MACROD2: variants seen among roughly 807,000 people sequenced by gnomAD.
MACROD2 encodes the protein ADP-ribose glycohydrolase MACROD2.
Under a neutral mutation model 70.4 loss-of-function variants are expected in MACROD2, and 36 were observed. That is an observed-to-expected ratio of 0.51 (90% CI 0.39 to 0.68). The LOEUF is 0.68. MACROD2 is among the 30% of genes least tolerant of loss of function. The pLI is 0.00. For missense variants in MACROD2, 496 were observed against 538.4 expected (o/e 0.92, Z 0.78); for synonymous variants, 172 against 178.8 (o/e 0.96, Z 0.30).
At chr20:15,060,314 G>A (rs556253051) in intron 5 of MACROD2, among the ~76,000 whole-genome samples, 4 of 152,270 alleles carry the variant, frequency 2.6e-5, no homozygotes, top group African/African-American at 9.6e-5. Context: ...AGTTCAATGT[G>A]GTGACAGTCG....
At chr20:14,570,173 A>C (rs1956077853) in intron 4 of MACROD2, among the ~76,000 whole-genome samples, 1 of 152,090 alleles carries the variant, frequency 6.6e-6, no homozygotes, top group South Asian at 2.1e-4. Flanking sequence ...AAAAAGGATG[A>C]GACAACTGTA....
intron 5 of MACROD2, among the ~76,000 whole-genome samples, chr20:15,006,139 ATATGTG>A (rs1460426746): frequency 1.1e-3 from 102 of 95,102 alleles, no homozygotes; most frequent in African/African-American, 2.5e-3. Context: ...TTATATATAT[ATATGTG>A]TGTGTGTGTG....
At chr20:14,987,406 A>G (rs2074859155) in intron 5 of MACROD2, among the ~76,000 whole-genome samples, 1 of 152,202 alleles carries the variant, frequency 6.6e-6, no homozygotes, top group Admixed American at 6.5e-5. Context: ...CGCCGTTGTT[A>G]TTAAACAACT....
At chr20:14,321,345 A>G (rs1256735307) in intron 3 of MACROD2, among the ~76,000 whole-genome samples, 1 of 134,664 alleles carries the variant, frequency 7.4e-6, no homozygotes. Flanking sequence ...AGCCTGGATA[A>G]CAGAGTGATA....
At chr20:15,033,511 T>A (rs2075290872) in intron 5 of MACROD2, among the ~76,000 whole-genome samples, 1 of 152,232 alleles carries the variant, frequency 6.6e-6, no homozygotes, top group African/African-American at 2.4e-5. Context: ...ATGACCCAGT[T>A]ATTTGCTTTT....
At chr20:14,684,654 C>CCA (rs1568737542) in intron 4 of MACROD2, among the ~76,000 whole-genome samples, 189 bp from the exon 5 acceptor site, 1 of 147,154 alleles carries the variant, frequency 6.8e-6, no homozygotes, top group Non-Finnish European at 1.5e-5. Context: ...CCTCACCCCC[C>CCA]CCCCCCGGCC....
chr20:14,228,591 G>A (rs2122194624), intron 3 of MACROD2, among the ~76,000 whole-genome samples: 1 of 152,186 alleles, frequency 6.6e-6, no homozygotes, highest in South Asian at 2.1e-4. Context: ...GCTTACATAA[G>A]TTAGATTTTT....
intron 3 of MACROD2, among the ~76,000 whole-genome samples, chr20:14,186,800 A>G (rs746350512): frequency 4.6e-5 from 7 of 152,210 alleles, no homozygotes; most frequent in Non-Finnish European, 4.4e-5. Context: ...TTGGAGCCAC[A>G]TGGATGCAGC....
intron 15 of MACROD2, among the ~76,000 whole-genome samples, chr20:15,989,510 T>C (rs1432509679): frequency 6.6e-6 from 1 of 152,196 alleles, no homozygotes; most frequent in Non-Finnish European, 1.5e-5. Context: ...ACTTCTATTT[T>C]TTTAAAAAAG....
intron 5 of MACROD2, among the ~76,000 whole-genome samples, chr20:15,072,084 T>A (rs892588600): frequency 5.9e-5 from 9 of 152,168 alleles, no homozygotes; most frequent in Non-Finnish European, 1.2e-4. Flanking sequence ...TGACATTACT[T>A]AAATTACTAA....
At position 14,146,081 on chromosome 20, in the gene MACROD2, G is replaced by T. The variant is rs186979722; in HGVS notation, c.271+60353G>T. Reference sequence around the variant, plus strand: ...CTCACGCCTGTAATCCCAGCACTTTGGGAGGCTGAGGCGGGCGGATCACGA... The same window carrying T: ...CTCACGCCTGTAATCCCAGCACTTTTGGAGGCTGAGGCGGGCGGATCACGA... On this transcript the variant is annotated intron_variant, in intron 3 of 17. Coordinates refer to ENST00000684519, the MANE Select transcript of MACROD2 (RefSeq NM_001351661.2). Among the ~76,000 whole-genome samples the T allele has an allele frequency of 7.7e-3, 1,177 of 152,280 alleles. 17 individuals are homozygous for T. The highest frequency in any genetic ancestry group is 0.026 in the African/African-American group (1,085 of 41,556).
intron 8 of MACROD2, among the ~76,000 whole-genome samples, chr20:15,654,920 G>A (rs1044824008): frequency 3.3e-5 from 5 of 152,128 alleles, no homozygotes; most frequent in African/African-American, 1.2e-4. Context: ...TGTCACTGTA[G>A]ATATCGGCAC....
At chr20:15,159,066 A>G (rs1239906268) in intron 5 of MACROD2, among the ~76,000 whole-genome samples, 1 of 152,152 alleles carries the variant, frequency 6.6e-6, no homozygotes, top group Non-Finnish European at 1.5e-5. Context: ...TTTTTAATAT[A>G]TGTATATAGA....
intron 13 of MACROD2, among the ~76,000 whole-genome samples, chr20:15,983,841 C>T (rs140611054): frequency 0.027 from 4,177 of 152,256 alleles, 87 homozygotes; most frequent in Non-Finnish European, 0.039. Flanking sequence ...GGTATGCTGT[C>T]TTAATTGCCA....
chr20:14,086,541 A>G (rs932530276), intron 3 of MACROD2, among the ~76,000 whole-genome samples: 1 of 152,208 alleles, frequency 6.6e-6, no homozygotes, highest in Admixed American at 6.5e-5. Context: ...AGGGGGAGGC[A>G]GAATATTGTG....
intron 8 of MACROD2, among the ~76,000 whole-genome samples, chr20:15,837,987 A>G (rs141956005): frequency 1.1e-4 from 17 of 152,296 alleles, no homozygotes; most frequent in Non-Finnish European, 2.1e-4. Context: ...GAGTTTTTGT[A>G]GCACTAAGTA....
At chr20:15,235,420 T>C (rs2077005063) in intron 6 of MACROD2, among the ~76,000 whole-genome samples, 1 of 152,162 alleles carries the variant, frequency 6.6e-6, no homozygotes, top group African/African-American at 2.4e-5. Flanking sequence ...CCAACTTCAA[T>C]AGGGATCCCT....
intron 3 of MACROD2, among the ~76,000 whole-genome samples, chr20:14,170,632 C>T (rs1043799781): frequency 6.6e-6 from 1 of 152,094 alleles, no homozygotes; most frequent in African/African-American, 2.4e-5. Context: ...ATTCTTTTTA[C>T]ATGGTGTATC....
intron 5 of MACROD2, among the ~76,000 whole-genome samples, chr20:14,728,708 C>G (rs2071558890): frequency 6.6e-6 from 1 of 152,108 alleles, no homozygotes; most frequent in African/African-American, 2.4e-5. Flanking sequence ...GTGTTTCATT[C>G]ATGATTTTTG....
Sources: gnomAD v4.1 joint callset for allele counts (sites outside exome capture counted in the v4.1 genomes callset) on GRCh38, gnomAD v4.1.1 for gene constraint, MANE v1.5 for transcripts, NCBI Gene and HGNC (gene_info 2026-07-23, HGNC 2026-07-21) for gene names.